Variants in ZNF804A observed in about 807,000 individuals in gnomAD.
The protein encoded by ZNF804A is zinc finger protein 804A.
A neutral mutation model predicts 16.5 loss-of-function variants in ZNF804A; 2 were observed. That is an observed-to-expected ratio of 0.12 (90% CI 0.05 to 0.38). The LOEUF (loss-of-function observed/expected upper bound fraction) is 0.38. ZNF804A is among the 10% of genes least tolerant of loss of function. The probability of loss-of-function intolerance (pLI) is 0.99; values close to 1 mark genes in which losing one functional copy is unlikely to be tolerated. For missense variants in ZNF804A, 1,473 were observed against 1,390.7 expected (o/e 1.06, Z -0.94); for synonymous variants, 534 against 489.6 (o/e 1.09, Z -1.20).
chr2:184,882,635 CT>C (rs1362051463), intron 2 of ZNF804A, among the ~76,000 whole-genome samples: 1 of 151,944 alleles, frequency 6.6e-6, no homozygotes, highest in Admixed American at 6.6e-5. Flanking sequence ...TACTAAGAAA[CT>C]TGCTCAAAAC....
At chr2:184,653,661 G>C (rs1395315557) in intron 1 of ZNF804A, among the ~76,000 whole-genome samples, 2 of 152,160 alleles carry the variant, frequency 1.3e-5, no homozygotes, top group African/African-American at 4.8e-5. Flanking sequence ...CAATGGGGTG[G>C]GCTGCCCACA....
At chr2:184,753,551 C>T (rs1290205831) in intron 1 of ZNF804A, among the ~76,000 whole-genome samples, 2 of 151,762 alleles carry the variant, frequency 1.3e-5, no homozygotes, top group Non-Finnish European at 2.9e-5. Context: ...GCCTGTGATA[C>T]TGTACCACTG....
At chr2:184,732,620 G>A (rs1244916917) in intron 1 of ZNF804A, among the ~76,000 whole-genome samples, 4 of 152,240 alleles carry the variant, frequency 2.6e-5, no homozygotes, top group South Asian at 2.1e-4. Context: ...AACTTGGGAA[G>A]TAGTGACATC....
chr2:184,829,941 A>AAAC (rs1558975002), intron 1 of ZNF804A, among the ~76,000 whole-genome samples: 4 of 146,128 alleles, frequency 2.7e-5, no homozygotes, highest in African/African-American at 1.0e-4. Context: ...AAAAAAAAAA[A>AAAC]ACCACACACA....
intron 1 of ZNF804A, among the ~76,000 whole-genome samples, chr2:184,754,412 C>T (rs76430972): frequency 0.019 from 2,889 of 151,826 alleles, 34 homozygotes; most frequent in Non-Finnish European, 0.03. Flanking sequence ...TAACCGTTTC[C>T]CCATTTTTCC....
chr2:184,816,445 T>G (rs1574225635), intron 1 of ZNF804A, among the ~76,000 whole-genome samples: 1 of 152,176 alleles, frequency 6.6e-6, no homozygotes, highest in East Asian at 1.9e-4. Context: ...AGAAAGTAGT[T>G]TCTGTTTCTA....
intron 2 of ZNF804A, among the ~76,000 whole-genome samples, chr2:184,903,444 C>T (rs1685217387): frequency 6.6e-6 from 1 of 152,072 alleles, no homozygotes; most frequent in African/African-American, 2.4e-5. Context: ...GGCTTGTAGC[C>T]TAGGAGCAAT....
chr2:184,671,292 A>G (rs1692336256), intron 1 of ZNF804A, among the ~76,000 whole-genome samples: 1 of 152,236 alleles, frequency 6.6e-6, no homozygotes. Context: ...TAATCTGTTT[A>G]GAACCTTTCA....
At chr2:184,603,055 C>T (rs1381430924) in intron 1 of ZNF804A, among the ~76,000 whole-genome samples, 2 of 152,186 alleles carry the variant, frequency 1.3e-5, no homozygotes, top group Middle Eastern at 3.4e-3. Context: ...TCATTTCTGT[C>T]GGACCTAAAT....
intron 1 of ZNF804A, among the ~76,000 whole-genome samples, chr2:184,830,113 CACA>C (rs1695240146): frequency 2.0e-5 from 1 of 50,724 alleles, no homozygotes; most frequent in Non-Finnish European, 3.5e-5. Flanking sequence ...CACCCACCCA[CACA>C]CACACACACA....
intron 1 of ZNF804A, among the ~76,000 whole-genome samples, chr2:184,792,435 T>A (rs559055811): frequency 6.6e-6 from 1 of 152,288 alleles, no homozygotes; most frequent in Admixed American, 6.5e-5. Context: ...TCTTTTCAGA[T>A]CCTTTTTTGC....
At chr2:184,826,932 C>T (rs1263675813) in intron 1 of ZNF804A, among the ~76,000 whole-genome samples, 3 of 151,990 alleles carry the variant, frequency 2.0e-5, no homozygotes, top group Non-Finnish European at 4.4e-5. Context: ...ATACTTTTTA[C>T]TTCATTTTAT....
At chr2:184,637,440 T>G (rs930299846) in intron 1 of ZNF804A, among the ~76,000 whole-genome samples, 1 of 152,208 alleles carries the variant, frequency 6.6e-6, no homozygotes, top group African/African-American at 2.4e-5. Flanking sequence ...CTTTTCCATA[T>G]TTGCTGCAAA....
At chr2:184,834,514 T>C (rs1180450547) in intron 1 of ZNF804A, among the ~76,000 whole-genome samples, 3 of 152,108 alleles carry the variant, frequency 2.0e-5, no homozygotes, top group Admixed American at 2.0e-4. Context: ...AGAAAATGTG[T>C]ATCTCTCATA....
chr2:184,725,906 A>T, intron 1 of ZNF804A, among the ~76,000 whole-genome samples: 1 of 151,724 alleles, frequency 6.6e-6, no homozygotes, highest in African/African-American at 2.4e-5. Flanking sequence ...TTGAGTTAGA[A>T]TTTTTCATTC....
At chr2:184,923,389 T>A (rs758180202) in intron 2 of ZNF804A, among the ~76,000 whole-genome samples, 1 of 152,070 alleles carries the variant, frequency 6.6e-6, no homozygotes, top group Non-Finnish European at 1.5e-5. Flanking sequence ...TTTTTGTATG[T>A]TGATTTTATA....
At chr2:184,830,315 A>G (rs994148134) in intron 1 of ZNF804A, among the ~76,000 whole-genome samples, 4 of 152,172 alleles carry the variant, frequency 2.6e-5, no homozygotes, top group Admixed American at 2.6e-4. Context: ...TATTTTTTAT[A>G]AGAAGTCTAG....
intron 2 of ZNF804A, among the ~76,000 whole-genome samples, chr2:184,926,150 C>T (rs1559004894): frequency 6.6e-6 from 1 of 152,046 alleles, no homozygotes; most frequent in South Asian, 2.1e-4. Context: ...TTCTTTCTAA[C>T]TGAAGCACTC....
intron 1 of ZNF804A, among the ~76,000 whole-genome samples, chr2:184,674,340 A>T (rs938611485): frequency 6.6e-6 from 1 of 152,054 alleles, no homozygotes; most frequent in Admixed American, 6.6e-5. Flanking sequence ...GAATAAACAT[A>T]ATATTCAAAT....
Sources: gnomAD v4.1 joint callset for allele counts (sites outside exome capture counted in the v4.1 genomes callset) on GRCh38, gnomAD v4.1.1 for gene constraint, MANE v1.5 for transcripts, NCBI Gene and HGNC (gene_info 2026-07-23, HGNC 2026-07-21) for gene names.